Variants in NIBAN3 observed in about 807,000 individuals in gnomAD.
NIBAN3 encodes the protein niban apoptosis regulator 3.
Under a neutral mutation model 76.4 loss-of-function variants are expected in NIBAN3, and 66 were observed. The observed-to-expected ratio is 0.86, with a 90% CI of 0.71 to 1.06. NIBAN3 has a LOEUF of 1.06. Ranked by LOEUF, NIBAN3 falls within the 50% of genes least tolerant of loss-of-function variation. The pLI is 0.00. For synonymous variants in NIBAN3, 360 were observed against 355.2 expected (o/e 1.01, Z -0.15); for missense variants, 808 against 810.7 (o/e 1.00, Z 0.04).
intron 1 of NIBAN3, 101 bp downstream of exon 1, chr19:17,527,496 C>A: frequency 7.9e-7 from 1 of 1,258,172 alleles, no homozygotes; most frequent in Non-Finnish European, 1.1e-6. Context: ...CGGTTCAGAC[C>A]TAGGGCTGTC....
intron 1 of NIBAN3, among the ~76,000 whole-genome samples, chr19:17,527,618 C>G (rs2075630296): frequency 6.6e-6 from 1 of 152,140 alleles, no homozygotes; most frequent in Non-Finnish European, 1.5e-5. Flanking sequence ...ATGATCGTGG[C>G]TCACTGCAAC....
chr19:17,537,266 C>A, intron 4 of NIBAN3, 110 bp from the exon 5 acceptor site: 1 of 1,099,636 alleles, frequency 9.1e-7, no homozygotes, highest in Non-Finnish European at 1.3e-6. Flanking sequence ...CGTGGTATGA[C>A]TCATATTTAT....
chr19:17,526,902 G>C (rs1392878995), upstream of NIBAN3, among the ~76,000 whole-genome samples: 3 of 152,064 alleles, frequency 2.0e-5, no homozygotes, highest in Non-Finnish European at 4.4e-5. Flanking sequence ...CTGGGCCAGG[G>C]CTGTATCCTC....
rs1480777398 is a variant in NIBAN3 at position 17,553,407 on chromosome 19, A to T, written c.*1509A>T. The T allele has an allele frequency of 6.2e-7, 1 of 1,614,080 alleles. No individual in the cohort carries two copies. The highest frequency in any genetic ancestry group is 8.5e-7 in the Non-Finnish European group (1 of 1,180,024). On this transcript the variant is annotated 3_prime_UTR_variant, in exon 15 of 15. Coordinates refer to ENST00000599164, the MANE Select transcript of NIBAN3 (RefSeq NM_001321827.2). ...CAGCAAAGTCATCTGCTAACTGGAT[A>T]TTGGCAGCTTCTCTGCTGTCTTGCA...
At chr19:17,535,549 C>T (rs575909640) in intron 4 of NIBAN3, among the ~76,000 whole-genome samples, 41 of 152,034 alleles carry the variant, frequency 2.7e-4, no homozygotes, top group Non-Finnish European at 5.7e-4. Flanking sequence ...CACCTGAGGT[C>T]CCAGCCTGGC....
chr19:17,540,645 T>C, intron 9 of NIBAN3, 63 bp downstream of exon 9: 1 of 1,217,256 alleles, frequency 8.2e-7, no homozygotes, highest in Non-Finnish European at 1.1e-6. Flanking sequence ...GAGTCTTTCC[T>C]GTGGAGAATC....
At chr19:17,543,258 G>A (rs946600691) in intron 10 of NIBAN3, 59 bp from the exon 11 acceptor site, 2 of 1,213,114 alleles carry the variant, frequency 1.6e-6, no homozygotes, top group Non-Finnish European at 1.2e-6. Context: ...CTGGGCAGGA[G>A]TGGGGCCCGG....
At chr19:17,546,823 G>C in intron 13 of NIBAN3, 26 bp downstream of exon 13, 1 of 1,570,760 alleles carries the variant, frequency 6.4e-7, no homozygotes, top group Non-Finnish European at 8.6e-7. Context: ...CCATGGCTCA[G>C]AGGAGCCTGG....
chr19:17,530,978 C>T, intron 2 of NIBAN3, 93 bp downstream of exon 2: 1 of 1,402,320 alleles, frequency 7.1e-7, no homozygotes, highest in Non-Finnish European at 9.6e-7. Flanking sequence ...AGACCTTTGC[C>T]ATTGCCATAG....
chr19:17,528,545 G>C (rs1477348523), intron 1 of NIBAN3, among the ~76,000 whole-genome samples: 2 of 152,182 alleles, frequency 1.3e-5, no homozygotes, highest in African/African-American at 4.8e-5. Context: ...AGGCCCCTCG[G>C]TAGGACCCTG....
intron 12 of NIBAN3, chr19:17,545,955 C>G (rs898588988): frequency 2.3e-6 from 1 of 440,898 alleles, no homozygotes; most frequent in South Asian, 1.6e-5. Flanking sequence ...GCTAAGTAGC[C>G]GGTGTTTTTC....
Position 17,537,390 on chromosome 19 carries a change from G to A in NIBAN3, c.442G>A (p.Glu148Lys), listed in dbSNP as rs535822314. Residue 148 changes from glutamate to lysine, a missense_variant, in exon 5 of 15, where the codon GAA becomes AAA. Physicochemically the swap from Glu to Lys is moderately conservative, Grantham distance 56. Transcript: ENST00000599164. ...CPESLGDHTQ[E>K]EPDSLLEVPV... ...TTTGTTTTCAGGAGACCATACTCAG[G>A]AAGAGCCTGACTCCCTCTTGGAAGT... 1.2e-5 allele frequency: 19 copies of A among 1,613,880 alleles called. No homozygotes were observed. Among genetic ancestry groups the A allele is most frequent in the Non-Finnish European group, 1.6e-5 (19 of 1,179,888 alleles).
Position 17,546,875 on chromosome 19 carries a change from C to A in NIBAN3, c.1666+78C>A, listed in dbSNP as rs575071840. ...GTACCGAGCCCCACCAGGGCCACAT[C>A]GACTCTCACTTCCTGTGAATACTTG... On this transcript the variant is annotated intron_variant, in intron 13 of 14. Coordinates refer to ENST00000599164, the MANE Select transcript of NIBAN3 (RefSeq NM_001321827.2). 36 of 1,503,332 alleles carry A rather than the reference C, an allele frequency of 2.4e-5. No homozygotes were observed. In the African/African-American group the frequency reaches 3.8e-4, roughly 16 times the overall value. The allele number at this position is 1,503,332 out of a possible 1,614,324, so 93.1% of individuals were successfully genotyped here. A position where few individuals can be genotyped will look rare whatever the true frequency, so the allele number is the denominator to read the frequency against.
chr19:17,529,568 T>C (rs1342070050), intron 1 of NIBAN3, among the ~76,000 whole-genome samples: 1 of 152,224 alleles, frequency 6.6e-6, no homozygotes, highest in East Asian at 1.9e-4. Flanking sequence ...ACTTCCCAGA[T>C]AGATCAGGAT....
Position 17,549,433 on chromosome 19 carries a change from T to C in NIBAN3, c.1667-11T>C, listed in dbSNP as rs370732007. ...TTCCCCAGGTGTGTCCAAGAGTTCA[T>C]CTCATTTCAGAATTGAAAAAGACCC... On this transcript the variant is annotated splice_polypyrimidine_tract_variant and intron_variant, in intron 13 of 14. Transcript: ENST00000599164. The C allele has an allele frequency of 1.2e-6, 2 of 1,605,332 alleles. No homozygotes were observed. Among genetic ancestry groups the C allele is most frequent in the African/African-American group, 2.7e-5 (2 of 74,738 alleles).
chr19:17,539,967 T>G (rs1335518120), intron 8 of NIBAN3, among the ~76,000 whole-genome samples: 3 of 147,442 alleles, frequency 2.0e-5, no homozygotes, highest in Non-Finnish European at 3.0e-5. Flanking sequence ...GGTCTTGTGG[T>G]CGAGGCACTG....
Position 17,540,058 on chromosome 19 carries a change from G to A in NIBAN3, c.979+293G>A, listed in dbSNP as rs1263500038. On this transcript the variant is annotated intron_variant, in intron 8 of 14. Transcript: ENST00000599164. ...ATACAAAAAGGGCGGGGCCTCAGCG[G>A]GGGATAGGCGTGGCCTTGAGGCTGA... 15 of 449,764 alleles carry A rather than the reference G, an allele frequency of 3.3e-5. No individual in the cohort carries two copies. In the Admixed American group the frequency reaches 4.9e-4, roughly 15 times the overall value. The allele number at this position is 449,764 out of a possible 1,614,324, so 27.9% of individuals were successfully genotyped here. A position where few individuals can be genotyped will look rare whatever the true frequency, so the allele number is the denominator to read the frequency against.
At chr19:17,538,075 G>A (rs137963310) in intron 5 of NIBAN3, among the ~76,000 whole-genome samples, 60 of 152,066 alleles carry the variant, frequency 3.9e-4, no homozygotes, top group African/African-American at 1.4e-3. Context: ...GAGGGATGGG[G>A]GTTAGAGCAG....
chr19:17,527,152 A>C, upstream of NIBAN3: 1 of 1,468,822 alleles, frequency 6.8e-7, no homozygotes, highest in Non-Finnish European at 9.2e-7. Flanking sequence ...TACAGAAACC[A>C]CTGGCTCTGG....
Sources: allele counts gnomAD v4.1 joint callset (sites outside exome capture counted in the v4.1 genomes callset), GRCh38; gene constraint gnomAD v4.1.1; transcripts MANE v1.5; gene names NCBI Gene and HGNC (gene_info 2026-07-23, HGNC 2026-07-21).